Variants in SOS1 observed in about 807,000 individuals in gnomAD.
SOS1 encodes the protein SOS Ras/Rac guanine nucleotide exchange factor 1.
A neutral mutation model predicts 157.6 loss-of-function variants in SOS1; 25 were observed. The ratio of observed to expected loss-of-function variants is 0.16; its 90% CI spans 0.12 to 0.22. The LOEUF is 0.22. Ranked by LOEUF, SOS1 falls within the 10% of genes least tolerant of loss-of-function variation. The pLI, the probability that SOS1 is intolerant of heterozygous loss-of-function variation, is 1.00. For synonymous variants in SOS1, 528 were observed against 534.0 expected, an observed-to-expected ratio of 0.99 and a Z score of 0.16; for missense variants, 1,237 against 1,599.1, an observed-to-expected ratio of 0.77 and a Z score of 3.86.
intron 8 of SOS1, chr2:39,034,860 T>C (rs2124561635): frequency 4.3e-6 from 2 of 462,214 alleles, no homozygotes; most frequent in Non-Finnish European, 8.7e-6. Context: ...AAATGGAAAC[T>C]GCGATGCATA....
chr2:39,061,069 T>C (rs1385658384), intron 2 of SOS1, among the ~76,000 whole-genome samples: 1 of 151,978 alleles, frequency 6.6e-6, no homozygotes, highest in African/African-American at 2.4e-5. Context: ...GTTTATTGTT[T>C]TGAGGAAGGA....
intron 1 of SOS1, among the ~76,000 whole-genome samples, chr2:39,112,476 G>GT (rs760700585): frequency 9.5e-4 from 144 of 151,978 alleles, no homozygotes; most frequent in Non-Finnish European, 1.8e-3. Context: ...GTTTTGTTTT[G>GT]TTTTTTGGTA....
chr2:39,114,988 A>G (rs185802499), intron 1 of SOS1, among the ~76,000 whole-genome samples: 1 of 152,092 alleles, frequency 6.6e-6, no homozygotes, highest in East Asian at 1.9e-4. Context: ...GTCTCCTTAC[A>G]TCATTCCTTT....
intron 6 of SOS1, among the ~76,000 whole-genome samples, chr2:39,037,266 G>A (rs1313560406): frequency 2.6e-5 from 4 of 152,142 alleles, no homozygotes; most frequent in East Asian, 1.9e-4. Context: ...TACAGTGGAC[G>A]GAAGAGAAGA....
chr2:39,082,473 A>G (rs2148172197), intron 1 of SOS1: 1 of 151,232 alleles, frequency 6.6e-6, no homozygotes, highest in South Asian at 2.1e-4. Flanking sequence ...TATGTTAATG[A>G]AAGAATAAAG....
intron 1 of SOS1, among the ~76,000 whole-genome samples, chr2:39,078,571 T>G (rs1216819156): frequency 6.6e-6 from 1 of 152,158 alleles, no homozygotes; most frequent in Admixed American, 6.5e-5. Flanking sequence ...GCTCTGTCTG[T>G]CAGATCAATA....
chr2:39,122,613 A>T (rs1231200366), upstream of SOS1, among the ~76,000 whole-genome samples: 1 of 152,180 alleles, frequency 6.6e-6, no homozygotes, highest in Non-Finnish European at 1.5e-5. Context: ...TTGAAAAAAT[A>T]AAAATATACA....
intron 1 of SOS1, among the ~76,000 whole-genome samples, chr2:39,071,909 C>CT (rs140850029): frequency 0.012 from 1,531 of 131,280 alleles, 13 homozygotes; most frequent in East Asian, 0.033. Context: ...GCCTATTTGG[C>CT]TTTTTTTTTT....
intron 1 of SOS1, among the ~76,000 whole-genome samples, chr2:39,110,965 G>A (rs1673410127): frequency 1.3e-5 from 2 of 152,348 alleles, no homozygotes; most frequent in South Asian, 4.1e-4. Flanking sequence ...GCCAGGCATG[G>A]TGGCTCATGC....
In SOS1 at chr2:39,056,856, C is replaced by T. The variant is rs777484168; in HGVS notation, c.356G>A (p.Gly119Asp). 1.2e-6 allele frequency: 2 copies of T among 1,604,370 alleles called. No homozygotes were observed. The highest frequency in any genetic ancestry group is 1.7e-6 in the Non-Finnish European group (2 of 1,171,606). Residue 119 changes from glycine (G) to aspartate (D), a missense_variant, in exon 4 of 23, where the codon GGT (glycine) becomes GAT (aspartate). Physicochemically the swap from Gly to Asp is moderately conservative, Grantham distance 94. Around this residue, in one of 15 missense-constraint regions of SOS1, gnomAD observed 37 missense variants for 38.5 expected, o/e 0.96. Transcript: ENST00000402219. ...AGAAACCTGGTGGTCAATTTTATAA[C>T]CTAGGACCTCCTGCAAAATTAAAAG... ...KIHPLLKEVL[G>D]YKIDHQVSVY...
Position 38,995,190 on chromosome 2 carries a change from A to G in SOS1, c.3279T>C (p.Ser1093=). Reference sequence around the variant, plus strand: ...AAACATCTGTGGTACTGGAAGCACCAGAAGCAGGCGGAGGTGTTAACGGTG... The same window carrying G: ...AAACATCTGTGGTACTGGAAGCACCGGAAGCAGGCGGAGGTGTTAACGGTG... The part of the protein sequence containing the change: ...PRTPLTPPPA[S]GASSTTDVCS... Residue 1093 remains serine (S), a synonymous_variant, in exon 20 of 23, where the codon TCT becomes TCC. Coordinates refer to ENST00000402219, the MANE Select transcript of SOS1 (RefSeq NM_005633.4). The G allele has an allele frequency of 6.2e-7, 1 of 1,614,076 alleles. No individual in the cohort carries two copies.
chr2:39,104,667 C>A (rs1673098765), intron 1 of SOS1, among the ~76,000 whole-genome samples: 2 of 152,182 alleles, frequency 1.3e-5, no homozygotes, highest in South Asian at 4.1e-4. Flanking sequence ...TGCCAATGTT[C>A]ACTGCAGTAT....
At chr2:39,107,363 T>G (rs963098293) in intron 1 of SOS1, among the ~76,000 whole-genome samples, 5 of 152,140 alleles carry the variant, frequency 3.3e-5, no homozygotes, top group East Asian at 3.9e-4. Context: ...GGGAGACACA[T>G]CATTTTTCCA....
In SOS1 at chr2:38,985,593, A is replaced by T; in HGVS notation, c.*231T>A. 1 of 512,082 alleles carries T rather than the reference A, an allele frequency of 2.0e-6. No homozygotes were observed. The highest frequency in any genetic ancestry group is 1.9e-5 in the African/African-American group (1 of 51,900). The allele number at this position is 512,082 out of a possible 1,614,324, so 31.7% of individuals were successfully genotyped here. ...AAGTCCCTTTATGATTTTCAGGTGC[A>T]ATCAGTTGTCCAATTCCTCTAGGTC... On this transcript the variant is annotated 3_prime_UTR_variant, in exon 23 of 23. Transcript: ENST00000402219.
chr2:39,084,572 A>G (rs938188926), intron 1 of SOS1, among the ~76,000 whole-genome samples: 2 of 152,140 alleles, frequency 1.3e-5, no homozygotes, highest in Non-Finnish European at 2.9e-5. Flanking sequence ...AAAATTACTC[A>G]TATTTGTGCA....
At chr2:39,053,068 G>A (rs888690708) in intron 5 of SOS1, among the ~76,000 whole-genome samples, 4 of 152,052 alleles carry the variant, frequency 2.6e-5, no homozygotes, top group Non-Finnish European at 5.9e-5. Flanking sequence ...CAGGAGAATC[G>A]CTTGAACCTG....
At chr2:39,106,460 G>C (rs1455536853) in intron 1 of SOS1, among the ~76,000 whole-genome samples, 1 of 149,156 alleles carries the variant, frequency 6.7e-6, no homozygotes, top group African/African-American at 2.5e-5. Context: ...GCGTAGTGGC[G>C]GGCGCCTGTC....
intron 21 of SOS1, among the ~76,000 whole-genome samples, chr2:38,988,279 A>C (rs898842254): frequency 1.3e-5 from 2 of 152,216 alleles, no homozygotes; most frequent in African/African-American, 2.4e-5. Context: ...AATCTAGTGA[A>C]TCTGATTTAA....
intron 1 of SOS1, among the ~76,000 whole-genome samples, chr2:39,101,462 A>G (rs1216170451): frequency 6.6e-6 from 1 of 152,220 alleles, no homozygotes; most frequent in Non-Finnish European, 1.5e-5. Flanking sequence ...TTGAACAACT[A>G]GATGATACAG....
Sources: allele counts gnomAD v4.1 joint callset (sites outside exome capture counted in the v4.1 genomes callset), GRCh38; gene constraint gnomAD v4.1.1; regional missense constraint gnomAD v4.1.1; transcripts MANE v1.5; gene names NCBI Gene and HGNC (gene_info 2026-07-23, HGNC 2026-07-21).